Variants in ZBTB20 observed in about 807,000 individuals in gnomAD.
The protein encoded by ZBTB20 is zinc finger and BTB domain-containing protein 20.
In ZBTB20, 9 loss-of-function variants were observed where a neutral mutation model predicts 56.9. The observed-to-expected ratio is 0.16, with a 90% CI of 0.10 to 0.28. The LOEUF is 0.28. ZBTB20 is among the 10% of genes least tolerant of loss of function. The pLI is 1.00. For missense variants in ZBTB20, 655 were observed against 1,003.0 expected (o/e 0.65, Z 4.69); for synonymous variants, 417 against 420.7 (o/e 0.99, Z 0.11).
At chr3:115,073,270 A>T (rs1183296395) in intron 1 of ZBTB20, among the ~76,000 whole-genome samples, 1 of 152,206 alleles carries the variant, frequency 6.6e-6, no homozygotes, top group Admixed American at 6.5e-5. Flanking sequence ...TTTCTTTTCC[A>T]TGTATTCAAC....
chr3:114,884,052 A>C (rs971665840), intron 4 of ZBTB20, among the ~76,000 whole-genome samples: 1 of 144,218 alleles, frequency 6.9e-6, no homozygotes, highest in African/African-American at 2.5e-5. Flanking sequence ...CAGCCTCCCA[A>C]GTAGCTGGGA....
chr3:114,730,483 G>A (rs961437348), intron 5 of ZBTB20, among the ~76,000 whole-genome samples: 8 of 152,180 alleles, frequency 5.3e-5, no homozygotes, highest in Admixed American at 1.3e-4. Context: ...CCTACCAACT[G>A]TATTTGGAGA....
chr3:114,399,959 A>G (rs1245851897), intron 7 of ZBTB20, among the ~76,000 whole-genome samples: 2 of 152,050 alleles, frequency 1.3e-5, no homozygotes, highest in African/African-American at 4.8e-5. Context: ...TGCATAGATG[A>G]GGAGATTGAG....
At chr3:114,995,908 C>A (rs908734442) in intron 2 of ZBTB20, among the ~76,000 whole-genome samples, 1 of 151,796 alleles carries the variant, frequency 6.6e-6, no homozygotes, top group Non-Finnish European at 1.5e-5. Flanking sequence ...ACATCCATCT[C>A]CCCTTTACCT....
chr3:114,735,664 C>A (rs1043479663), intron 5 of ZBTB20, among the ~76,000 whole-genome samples: 4 of 151,948 alleles, frequency 2.6e-5, no homozygotes, highest in Admixed American at 2.0e-4. Flanking sequence ...CAGTTGATAA[C>A]CAAGAAATAA....
intron 3 of ZBTB20, among the ~76,000 whole-genome samples, chr3:114,922,012 G>A (rs1419281894): frequency 1.3e-5 from 2 of 152,098 alleles, no homozygotes; most frequent in Non-Finnish European, 2.9e-5. Context: ...ACCATGATCA[G>A]GTGGGATTTA....
intron 7 of ZBTB20, among the ~76,000 whole-genome samples, chr3:114,460,190 T>C (rs1190122830): frequency 6.6e-6 from 1 of 152,118 alleles, no homozygotes; most frequent in Non-Finnish European, 1.5e-5. Flanking sequence ...GGACATATTT[T>C]ACTGACGGAA....
chr3:114,575,392 C>T (rs1161191538), intron 6 of ZBTB20, among the ~76,000 whole-genome samples: 4 of 152,160 alleles, frequency 2.6e-5, no homozygotes, highest in South Asian at 4.1e-4. Context: ...TTATACTTTG[C>T]TTTTTCCCTT....
intron 7 of ZBTB20, among the ~76,000 whole-genome samples, chr3:114,483,873 A>G (rs963326421): frequency 1.3e-4 from 20 of 152,124 alleles, no homozygotes; most frequent in African/African-American, 2.2e-4. Flanking sequence ...CACCTTTTCA[A>G]AAATTGCAAG....
chr3:114,971,659 C>G (rs568352952), intron 3 of ZBTB20, among the ~76,000 whole-genome samples: 2 of 152,094 alleles, frequency 1.3e-5, no homozygotes, highest in South Asian at 4.1e-4. Context: ...TCTTATTTAA[C>G]TGGTGTATGA....
intron 5 of ZBTB20, among the ~76,000 whole-genome samples, chr3:114,753,313 ATATATGTATACCTGTATATATAATG>A: frequency 7.0e-6 from 1 of 142,432 alleles, no homozygotes; most frequent in African/African-American, 2.6e-5. Context: ...TATATAATGT[ATATATGTATACCTGTATATATAATG>A]TATATATGTA....
chr3:114,791,999 G>C (rs2070990748), intron 5 of ZBTB20: 1 of 152,010 alleles, frequency 6.6e-6, no homozygotes, highest in Non-Finnish European at 1.5e-5. Flanking sequence ...ACATGAAGGG[G>C]TGCATTTAGA....
chr3:115,047,386 T>C (rs564881615), intron 2 of ZBTB20, among the ~76,000 whole-genome samples: 1 of 152,342 alleles, frequency 6.6e-6, no homozygotes, highest in South Asian at 2.1e-4. Flanking sequence ...TATTTGTCAG[T>C]GGGCTTTCTA....
rs1314239169 is a variant in ZBTB20 at position 115,079,801 on chromosome 3, TC to T, written c.-702-8388del. On this transcript the variant is annotated intron_variant, in intron 1 of 11. Transcript: ENST00000675478. The stretch of plus-strand genomic sequence containing the variant: ...CCTGATATGCTAAACCTTCAATAAT[TC>T]AATTGCATATTATCCATACTTTAAA... Among the ~76,000 whole-genome samples, 127 of 152,336 alleles carry T rather than the reference TC, an allele frequency of 8.3e-4. 1 individual carries two copies. Among genetic ancestry groups the T allele is most frequent in the African/African-American group, 2.8e-3 (118 of 41,582 alleles).
At chr3:114,702,790 GAATA>G (rs1047966956) in intron 5 of ZBTB20, among the ~76,000 whole-genome samples, 6 of 151,832 alleles carry the variant, frequency 4.0e-5, no homozygotes, top group African/African-American at 1.2e-4. Flanking sequence ...TAATACTCTT[GAATA>G]AATAAATACT....
chr3:114,386,743 A>C (rs1420624320), intron 8 of ZBTB20, among the ~76,000 whole-genome samples: 1 of 152,196 alleles, frequency 6.6e-6, no homozygotes, highest in African/African-American at 2.4e-5. Context: ...ACATCAGGGC[A>C]AAAGAATGGT....
chr3:115,122,169 C>T (rs980539691), intron 1 of ZBTB20, among the ~76,000 whole-genome samples: 2 of 151,894 alleles, frequency 1.3e-5, no homozygotes, highest in Non-Finnish European at 2.9e-5. Flanking sequence ...TTATGCTGAA[C>T]CGTCTTAATT....
At chr3:114,607,389 G>T (rs1471037206) in intron 6 of ZBTB20, among the ~76,000 whole-genome samples, 1 of 148,690 alleles carries the variant, frequency 6.7e-6, no homozygotes, top group Non-Finnish European at 1.5e-5. Flanking sequence ...TGCAACCTCC[G>T]CCTCCTGGGT....
At chr3:114,398,726 GA>G (rs2086555020) in intron 7 of ZBTB20, among the ~76,000 whole-genome samples, 1 of 152,132 alleles carries the variant, frequency 6.6e-6, no homozygotes, top group African/African-American at 2.4e-5. Context: ...TTGATGAAAA[GA>G]AAAAGGATAT....
Sources: allele counts gnomAD v4.1 joint callset (sites outside exome capture counted in the v4.1 genomes callset), GRCh38; gene constraint gnomAD v4.1.1; transcripts MANE v1.5; gene names NCBI Gene and HGNC (gene_info 2026-07-23, HGNC 2026-07-21).